The following ANO10 variants were observed in gnomAD, a reference collection of about 807,000 sequenced individuals.
ANO10 encodes the protein anoctamin-10.
In ANO10, 77 loss-of-function variants were observed where a neutral mutation model predicts 74.7. That is an observed-to-expected ratio of 1.03 (90% CI 0.86 to 1.25). The LOEUF (loss-of-function observed/expected upper bound fraction) is 1.25, where lower values mean the gene tolerates loss of function less well. Among genes scored for constraint, ANO10 ranks in the 50% most tolerant of loss-of-function variants. The pLI is 0.00. For synonymous variants in ANO10, 279 were observed against 284.9 expected (o/e 0.98, Z 0.21); for missense variants, 721 against 778.1 (o/e 0.93, Z 0.87).
At chr3:43,463,102 G>A (rs2075455809) in intron 11 of ANO10, among the ~76,000 whole-genome samples, 1 of 152,214 alleles carries the variant, frequency 6.6e-6, no homozygotes, top group African/African-American at 2.4e-5. Flanking sequence ...AGGGGTCAGA[G>A]CCCCCACACA....
At chr3:43,648,089 A>G (rs932403287) in intron 1 of ANO10, among the ~76,000 whole-genome samples, 3 of 152,146 alleles carry the variant, frequency 2.0e-5, no homozygotes, top group South Asian at 2.1e-4. Flanking sequence ...TCTCTTACCT[A>G]TCCAAGTTTC....
intron 11 of ANO10, among the ~76,000 whole-genome samples, chr3:43,508,963 G>GAA (rs71615392): frequency 6.2e-5 from 9 of 145,482 alleles, no homozygotes; most frequent in African/African-American, 2.3e-4. Flanking sequence ...AAAAAGAAAA[G>GAA]AAAAAAAGAA....
At chr3:43,605,562 CA>C in intron 2 of ANO10, 151 bp downstream of exon 2, 1 of 1,057,162 alleles carries the variant, frequency 9.5e-7, no homozygotes, top group Non-Finnish European at 1.3e-6. Flanking sequence ...TAATAAAAGG[CA>C]AAAAATTTAA....
intron 11 of ANO10, among the ~76,000 whole-genome samples, chr3:43,536,995 C>CAAAAAAAAAAAAAAAAAAAAA (rs5848666): frequency 1.3e-5 from 1 of 78,618 alleles, no homozygotes; most frequent in Non-Finnish European, 2.4e-5. Flanking sequence ...TTTCATCACT[C>CAAAAAAAAAAAAAAAAAAAAA]AAAAAAAAAA....
chr3:43,410,373 C>G (rs558354060), intron 12 of ANO10, among the ~76,000 whole-genome samples: 1 of 152,260 alleles, frequency 6.6e-6, no homozygotes, highest in South Asian at 2.1e-4. Context: ...GCTTCAGCCT[C>G]CTCCCAAGTA....
At chr3:43,546,230 TATC>T (rs1165393667) in intron 11 of ANO10, among the ~76,000 whole-genome samples, 1 of 152,170 alleles carries the variant, frequency 6.6e-6, no homozygotes, top group African/African-American at 2.4e-5. Context: ...CATTTTAAAA[TATC>T]ATAAAATAAA....
At chr3:43,459,268 C>T (rs1033971960) in intron 11 of ANO10, among the ~76,000 whole-genome samples, 12 of 151,946 alleles carry the variant, frequency 7.9e-5, no homozygotes, top group Admixed American at 1.3e-4. Context: ...CTCCAGGATT[C>T]GGTGTTGTTG....
At chr3:43,551,328 G>T (rs1307364123) in intron 10 of ANO10, 1 of 334,660 alleles carries the variant, frequency 3.0e-6, no homozygotes, top group Non-Finnish European at 5.9e-6. Flanking sequence ...ATATGACAGT[G>T]CCTGGCTTCC....
intron 1 of ANO10, among the ~76,000 whole-genome samples, chr3:43,655,144 C>T (rs1278621770): frequency 6.6e-6 from 1 of 152,142 alleles, no homozygotes; most frequent in Non-Finnish European, 1.5e-5. Context: ...TCACATGATT[C>T]CAAGAAAAGC....
At chr3:43,491,357 T>C (rs1328727762) in intron 11 of ANO10, among the ~76,000 whole-genome samples, 2 of 151,940 alleles carry the variant, frequency 1.3e-5, no homozygotes, top group African/African-American at 4.8e-5. Flanking sequence ...CTACTAAAAA[T>C]GCAAAAATTA....
intron 12 of ANO10, among the ~76,000 whole-genome samples, chr3:43,417,633 C>T (rs1429183155): frequency 6.6e-6 from 1 of 152,032 alleles, no homozygotes; most frequent in Non-Finnish European, 1.5e-5. Flanking sequence ...ACGACGAACC[C>T]CAGGTATTTA....
chr3:43,380,500 C>G (rs562290332), intron 12 of ANO10, among the ~76,000 whole-genome samples: 1 of 152,176 alleles, frequency 6.6e-6, no homozygotes, highest in Non-Finnish European at 1.5e-5. Context: ...GATTTCTCAT[C>G]AGAAACCCTA....
At chr3:43,426,921 C>T (rs1252645597) in intron 12 of ANO10, among the ~76,000 whole-genome samples, 1 of 151,952 alleles carries the variant, frequency 6.6e-6, no homozygotes, top group Non-Finnish European at 1.5e-5. Flanking sequence ...CTATTTGTAC[C>T]AAAAAAGATC....
rs1394541521 is a variant in ANO10 at position 43,658,530 on chromosome 3, T to TTC, written c.-12+32986_-12+32987insGA. ...TGTTGCCCGGGCTGGAGTGCAGTGG[T>TTC]GCGATCTCAGCTCACTGCAACCTCT... is the stretch of plus-strand genomic sequence containing the variant. On this transcript the variant is annotated intron_variant, in intron 1 of 3. Coordinates refer to the ANO10 transcript ENST00000413397. Among the ~76,000 whole-genome samples the TTC allele has an allele frequency of 3.5e-3, 535 of 152,052 alleles. 1 individual carries two copies. The highest frequency in any genetic ancestry group is 4.7e-3 in the Non-Finnish European group (319 of 67,942).
chr3:43,484,711 G>A (rs1220898100), intron 11 of ANO10, among the ~76,000 whole-genome samples: 1 of 152,242 alleles, frequency 6.6e-6, no homozygotes, highest in Non-Finnish European at 1.5e-5. Flanking sequence ...GGGGTATAAC[G>A]AGGTATGTCT....
intron 11 of ANO10, among the ~76,000 whole-genome samples, chr3:43,547,341 C>T (rs936821075): frequency 3.9e-5 from 6 of 152,104 alleles, no homozygotes; most frequent in Non-Finnish European, 8.8e-5. Context: ...CTCAGGGTTG[C>T]CAGAACAAAG....
intron 11 of ANO10, among the ~76,000 whole-genome samples, chr3:43,508,071 A>G (rs773529117): frequency 3.3e-5 from 5 of 152,126 alleles, no homozygotes; most frequent in Non-Finnish European, 5.9e-5. Context: ...GAGGGAGTAA[A>G]AGTCAAGGGG....
chr3:43,647,151 A>ATGTGTGTG (rs1450143460), intron 1 of ANO10, among the ~76,000 whole-genome samples: 12 of 73,760 alleles, frequency 1.6e-4, no homozygotes, highest in Non-Finnish European at 3.2e-4. Flanking sequence ...ATATGTGTAT[A>ATGTGTGTG]TATGTGTGTG....
chr3:43,600,428 C>T lies in ANO10; in HGVS notation c.293G>A (p.Arg98Lys). 1 of 1,614,088 alleles carries T rather than the reference C, an allele frequency of 6.2e-7. No individual in the cohort carries two copies. Among genetic ancestry groups the T allele is most frequent in the Non-Finnish European group, 8.5e-7 (1 of 1,179,998 alleles). ...CTGTCTGGTTCTGTATGTGAAGGCT[C>T]TCATGGTGTTATCATTGCACTCTTT... is the stretch of plus-strand genomic sequence containing the variant. ...LVKECNDNTMRAFTYRTRQNF... is the reference protein window; with the variant it reads ...LVKECNDNTMKAFTYRTRQNF... Residue 98 changes from arginine to lysine, a missense_variant, in exon 3 of 13, where the codon AGA (arginine) becomes AAA (lysine). Arg to Lys is a conservative substitution (Grantham distance 26). Transcript: ENST00000292246.
Sources: allele counts gnomAD v4.1 joint callset (sites outside exome capture counted in the v4.1 genomes callset), GRCh38; gene constraint gnomAD v4.1.1; transcripts MANE v1.5; gene names NCBI Gene and HGNC (gene_info 2026-07-23, HGNC 2026-07-21).